Variants in CELF2 observed in about 807,000 individuals in gnomAD.
The protein encoded by CELF2 is CUGBP Elav-like family member 2, also known as CUG triplet repeat RNA-binding protein 2.
CELF2 carries 8 observed loss-of-function variants against 62.6 expected under a neutral mutation model. That is an observed-to-expected ratio of 0.13 (90% CI 0.07 to 0.23). The LOEUF (loss-of-function observed/expected upper bound fraction) is 0.23. Among genes scored for constraint, CELF2 ranks in the 10% least tolerant of loss-of-function variants. The pLI is 1.00. For missense variants in CELF2, 333 were observed against 671.0 expected (o/e 0.50, Z 5.56); for synonymous variants, 258 against 250.0 (o/e 1.03, Z -0.30).
At chr10:10,717,874 G>A in the CELF2 span, among the ~76,000 whole-genome samples, 1 of 151,888 alleles carries the variant, frequency 6.6e-6, no homozygotes, top group Non-Finnish European at 1.5e-5. Flanking sequence ...TTAATTTTCT[G>A]GGAAAATTTT....
chr10:11,281,617 G>T (rs571677350), intron 8 of CELF2, among the ~76,000 whole-genome samples: 1 of 152,280 alleles, frequency 6.6e-6, no homozygotes, highest in African/African-American at 2.4e-5. Flanking sequence ...GCTGGGTGTG[G>T]TGGCAAGCGC....
intron 2 of CELF2, among the ~76,000 whole-genome samples, chr10:11,182,136 C>T (rs2073610026): frequency 6.6e-6 from 1 of 152,240 alleles, no homozygotes; most frequent in South Asian, 2.1e-4. Context: ...GCCCTCTGAG[C>T]AGCGTGCTCA....
the CELF2 span, among the ~76,000 whole-genome samples, chr10:10,683,417 C>T: frequency 1.3e-5 from 2 of 152,118 alleles, no homozygotes; most frequent in African/African-American, 4.8e-5. Flanking sequence ...GTTTTCCATT[C>T]GTTTCAATAC....
chr10:10,981,159 C>T (rs1346372045), intron 2 of CELF2, among the ~76,000 whole-genome samples: 1 of 152,218 alleles, frequency 6.6e-6, no homozygotes, highest in Non-Finnish European at 1.5e-5. Context: ...AGGTTTCTCA[C>T]TTATTTCATT....
At chr10:10,754,129 T>C in the CELF2 span, among the ~76,000 whole-genome samples, 6 of 140,796 alleles carry the variant, frequency 4.3e-5, no homozygotes, top group African/African-American at 1.3e-4. Flanking sequence ...ACTTAAGCAA[T>C]GAAGCAGAGC....
chr10:11,076,136 A>C (rs2071845236), intron 1 of CELF2, among the ~76,000 whole-genome samples: 1 of 152,018 alleles, frequency 6.6e-6, no homozygotes, highest in African/African-American at 2.4e-5. Context: ...TTAAAATAGC[A>C]GATGGGATAT....
chr10:11,041,819 T>C (rs2061894340), intron 1 of CELF2, among the ~76,000 whole-genome samples: 1 of 152,218 alleles, frequency 6.6e-6, no homozygotes, highest in African/African-American at 2.4e-5. Context: ...TGTAAGCTGA[T>C]ATAGTTGGAT....
At chr10:11,050,887 G>A (rs190224535) in intron 1 of CELF2, among the ~76,000 whole-genome samples, 5 of 152,200 alleles carry the variant, frequency 3.3e-5, no homozygotes, top group Non-Finnish European at 7.4e-5. Context: ...TCACTCACTC[G>A]CCCACTGGGC....
At position 11,291,107 on chromosome 10, in the gene CELF2, A is replaced by G. The variant is rs568356694; in HGVS notation, c.976+2555A>G. 9.9e-5 allele frequency among the ~76,000 whole-genome samples: 15 copies of G among 152,266 alleles called. No individual in the cohort carries two copies. In the East Asian group the frequency reaches 2.7e-3, roughly 27 times the overall value. On this transcript the variant is annotated intron_variant, in intron 9 of 12. Coordinates refer to ENST00000633077, the MANE Select transcript of CELF2 (RefSeq NM_001326342.2). ...TAAATAATAATAAACTGGGCATACT[A>G]TTTGGACCATGAGCCAGTTCACTTG...
At chr10:11,212,108 A>G (rs2062000966) in intron 2 of CELF2, among the ~76,000 whole-genome samples, 1 of 152,110 alleles carries the variant, frequency 6.6e-6, no homozygotes, top group Non-Finnish European at 1.5e-5. Context: ...TATAATACTG[A>G]TTACAGATTG....
the CELF2 span, among the ~76,000 whole-genome samples, chr10:10,772,301 G>C: frequency 6.6e-6 from 1 of 152,078 alleles, no homozygotes; most frequent in African/African-American, 2.4e-5. Context: ...ATATGATCTT[G>C]GGGTGAATCT....
At chr10:10,872,635 T>C (rs2060821753) in intron 1 of CELF2, among the ~76,000 whole-genome samples, 1 of 150,082 alleles carries the variant, frequency 6.7e-6, no homozygotes, top group Non-Finnish European at 1.5e-5. Context: ...TGTAAACATG[T>C]AAAATAAACC....
the CELF2 span, among the ~76,000 whole-genome samples, chr10:10,700,470 C>G: frequency 1.3e-5 from 2 of 151,996 alleles, no homozygotes; most frequent in African/African-American, 4.8e-5. Flanking sequence ...GGTGGGCTGA[C>G]CTGTCTCTTC....
the CELF2 span, among the ~76,000 whole-genome samples, chr10:10,673,792 A>G: frequency 6.6e-6 from 1 of 152,148 alleles, no homozygotes; most frequent in South Asian, 2.1e-4. Flanking sequence ...TATATGTTTT[A>G]TAGAAGTCTA....
chr10:11,322,638 G>GTT (rs11348898), intron 11 of CELF2, among the ~76,000 whole-genome samples: 1 of 147,614 alleles, frequency 6.8e-6, no homozygotes. Context: ...GATACTCATG[G>GTT]TTTTTTTTTT....
upstream of CELF2, chr10:10,795,032 A>G (rs924218630): frequency 6.6e-6 from 1 of 152,018 alleles, no homozygotes; most frequent in Non-Finnish European, 1.5e-5. Flanking sequence ...ACAGGCTCAG[A>G]GGGTTGGGTT....
At chr10:11,021,617 T>C (rs1011928800) in intron 1 of CELF2, among the ~76,000 whole-genome samples, 5 of 152,204 alleles carry the variant, frequency 3.3e-5, no homozygotes, top group Non-Finnish European at 7.3e-5. Flanking sequence ...GGATAGTTTA[T>C]TCACACCGTC....
chr10:10,881,808 C>T (rs1388257678), intron 1 of CELF2, among the ~76,000 whole-genome samples: 7 of 152,080 alleles, frequency 4.6e-5, no homozygotes, highest in Admixed American at 1.3e-4. Flanking sequence ...ACAAAACTGC[C>T]GCTGCCTAAC....
chr10:11,197,024 G>GAAAGAAAGAAAGAAAGA (rs2057832558), intron 2 of CELF2, among the ~76,000 whole-genome samples: 1 of 4,752 alleles, frequency 2.1e-4, no homozygotes, highest in African/African-American at 3.9e-4. Flanking sequence ...AAGAAAGAAA[G>GAAAGAAAGAAAGAAAGA]AAAAGAAAGA....
Sources: gnomAD v4.1 joint callset for allele counts (sites outside exome capture counted in the v4.1 genomes callset) on GRCh38, gnomAD v4.1.1 for gene constraint, MANE v1.5 for transcripts, NCBI Gene and HGNC (gene_info 2026-07-23, HGNC 2026-07-21) for gene names.